HSD17B12: variants seen among roughly 807,000 people sequenced by gnomAD.
HSD17B12 encodes hydroxysteroid 17-beta dehydrogenase 12, also known as very-long-chain 3-oxoacyl-CoA reductase.
HSD17B12 carries 32 observed loss-of-function variants against 39.3 expected under a neutral mutation model. That is an observed-to-expected ratio of 0.81 (90% CI 0.61 to 1.09). The LOEUF is 1.09. HSD17B12 is among the 50% of genes least tolerant of loss of function. The probability of loss-of-function intolerance (pLI) is 0.00; values close to 1 mark genes in which losing one functional copy is unlikely to be tolerated. For missense variants in HSD17B12, 342 were observed against 382.9 expected (o/e 0.89, Z 0.89); for synonymous variants, 150 against 146.7 (o/e 1.02, Z -0.16).
At chr11:43,624,983 T>C in the HSD17B12 span, among the ~76,000 whole-genome samples, 10 of 151,946 alleles carry the variant, frequency 6.6e-5, no homozygotes, top group East Asian at 1.9e-3. Context: ...TCTTCAAATA[T>C]GGATCTGTGG....
intron 9 of HSD17B12, among the ~76,000 whole-genome samples, chr11:43,843,540 G>A (rs1038299316): frequency 5.3e-5 from 8 of 152,248 alleles, no homozygotes; most frequent in South Asian, 4.1e-4. Context: ...TGTCCTCCCC[G>A]ACGTTCAGGC....
chr11:43,716,113 A>G lies in HSD17B12; in HGVS notation c.161-34798A>G, dbSNP rs142661134. Reference sequence around the variant, plus strand: ...CCTGAAACTTAACTTAATTTAAAAAATCCTCTGACTTTTTAACAAACCCGT... The same window carrying G: ...CCTGAAACTTAACTTAATTTAAAAAGTCCTCTGACTTTTTAACAAACCCGT... On this transcript the variant is annotated intron_variant, in intron 1 of 10. Coordinates refer to ENST00000278353, the MANE Select transcript of HSD17B12 (RefSeq NM_016142.3). Among the ~76,000 whole-genome samples the G allele has an allele frequency of 1.6e-3, 251 of 152,306 alleles. 1 individual carries two copies. Among genetic ancestry groups the G allele is most frequent in the African/African-American group, 5.7e-3 (239 of 41,566 alleles).
At chr11:43,732,503 T>C (rs1408930848) in intron 1 of HSD17B12, among the ~76,000 whole-genome samples, 1 of 151,892 alleles carries the variant, frequency 6.6e-6, no homozygotes, top group Non-Finnish European at 1.5e-5. Flanking sequence ...GCCTCTGTCA[T>C]CCAGGATGAA....
intron 6 of HSD17B12, among the ~76,000 whole-genome samples, chr11:43,826,244 G>C (rs562792241): frequency 2.0e-5 from 3 of 151,724 alleles, no homozygotes; most frequent in Admixed American, 2.0e-4. Context: ...CACCACGCCC[G>C]GCTAATTTTT....
intron 3 of HSD17B12, among the ~76,000 whole-genome samples, chr11:43,755,958 T>C (rs1950504504): frequency 6.6e-6 from 1 of 152,172 alleles, no homozygotes; most frequent in African/African-American, 2.4e-5. Context: ...ACGTCTTACA[T>C]GGTGGCAGGC....
chr11:43,832,360 G>A (rs1045401796), intron 7 of HSD17B12, among the ~76,000 whole-genome samples: 6 of 152,272 alleles, frequency 3.9e-5, no homozygotes, highest in Middle Eastern at 3.4e-3. Context: ...CAGAGGTATT[G>A]TAAAAGGAAT....
chr11:43,714,076 C>T (rs555016928), intron 1 of HSD17B12, among the ~76,000 whole-genome samples: 1 of 152,276 alleles, frequency 6.6e-6, no homozygotes, highest in African/African-American at 2.4e-5. Flanking sequence ...TGTAGGTTGC[C>T]TGTTCACTCT....
intron 3 of HSD17B12, among the ~76,000 whole-genome samples, chr11:43,758,673 G>GT (rs1278008431): frequency 6.6e-6 from 1 of 152,124 alleles, no homozygotes; most frequent in African/African-American, 2.4e-5. Flanking sequence ...TGAACTTGCC[G>GT]TTTTTATTCT....
chr11:43,667,488 C>T, the HSD17B12 span, among the ~76,000 whole-genome samples: 4 of 152,166 alleles, frequency 2.6e-5, no homozygotes, highest in Admixed American at 6.5e-5. Context: ...TTGCAACTAA[C>T]TTTACCCTTT....
chr11:43,784,841 T>C (rs1319551464), intron 3 of HSD17B12, among the ~76,000 whole-genome samples: 5 of 152,222 alleles, frequency 3.3e-5, no homozygotes, highest in African/African-American at 1.2e-4. Context: ...AGCAGGTTTG[T>C]TCTTTTACTG....
chr11:43,696,220 A>T (rs1949910267), intron 1 of HSD17B12, among the ~76,000 whole-genome samples: 1 of 152,126 alleles, frequency 6.6e-6, no homozygotes, highest in Admixed American at 6.6e-5. Context: ...TTGTGTGGTG[A>T]TTATATGCTA....
At chr11:43,688,042 T>C (rs1172899763) in intron 1 of HSD17B12, among the ~76,000 whole-genome samples, 1 of 152,022 alleles carries the variant, frequency 6.6e-6, no homozygotes, top group Non-Finnish European at 1.5e-5. Flanking sequence ...CAAAACCACA[T>C]CTCTACTAAA....
chr11:43,588,144 A>G, the HSD17B12 span, among the ~76,000 whole-genome samples: 2 of 152,230 alleles, frequency 1.3e-5, no homozygotes. Context: ...GGAAGGCCAG[A>G]ACTTTTTCAT....
At chr11:43,754,729 C>T in intron 3 of HSD17B12, 1 of 507,394 alleles carries the variant, frequency 2.0e-6, no homozygotes, top group Non-Finnish European at 3.5e-6. Flanking sequence ...AACTTGTTTG[C>T]TGTGACTTCA....
chr11:43,606,290 G>C, the HSD17B12 span, among the ~76,000 whole-genome samples: 1 of 152,330 alleles, frequency 6.6e-6, no homozygotes, highest in African/African-American at 2.4e-5. Flanking sequence ...CAATTCACCT[G>C]CACCCTAGTG....
Position 43,714,863 on chromosome 11 carries a change from G to T in HSD17B12, c.160+33876G>T, listed in dbSNP as rs574794827. 3.9e-5 allele frequency among the ~76,000 whole-genome samples: 6 copies of T among 152,252 alleles called. No homozygotes were observed. The South Asian group carries it at 1.2e-3, about 32-fold the overall frequency. ...ACATCCCTTGTAAGTTGGATTCCTAGGTATTTTATTCTCTTTGAAGCAATT... is the reference window on the plus strand; with the variant it reads ...ACATCCCTTGTAAGTTGGATTCCTATGTATTTTATTCTCTTTGAAGCAATT... On this transcript the variant is annotated intron_variant, in intron 1 of 10. Coordinates refer to ENST00000278353, the MANE Select transcript of HSD17B12 (RefSeq NM_016142.3).
At chr11:43,668,991 G>T in the HSD17B12 span, among the ~76,000 whole-genome samples, 1 of 152,058 alleles carries the variant, frequency 6.6e-6, no homozygotes, top group African/African-American at 2.4e-5. Flanking sequence ...ACTGCACCTG[G>T]CTGTGTATAT....
the HSD17B12 span, among the ~76,000 whole-genome samples, chr11:43,575,532 C>T: frequency 7.2e-5 from 11 of 152,244 alleles, no homozygotes; most frequent in African/African-American, 2.4e-4. The surrounding 1 kb of genome is among the most constrained non-coding windows in gnomAD (Gnocchi z 4.1). Context: ...CTGCTGGGCA[C>T]GCCCCTCGGG....
chr11:43,832,129 G>C (rs1278200992), intron 7 of HSD17B12, among the ~76,000 whole-genome samples: 1 of 152,100 alleles, frequency 6.6e-6, no homozygotes, highest in Non-Finnish European at 1.5e-5. Flanking sequence ...ACTGCCTATT[G>C]TTAGGTGCCA....
Sources: allele counts gnomAD v4.1 joint callset (sites outside exome capture counted in the v4.1 genomes callset), GRCh38; gene constraint gnomAD v4.1.1; non-coding constraint Gnocchi (gnomAD v3.1); transcripts MANE v1.5; gene names NCBI Gene and HGNC (gene_info 2026-07-23, HGNC 2026-07-21).